RAB3IP: variants seen among roughly 807,000 people sequenced by gnomAD.
The protein encoded by RAB3IP is rab-3A-interacting protein.
RAB3IP carries 36 observed loss-of-function variants against 59.1 expected under a neutral mutation model. That is an observed-to-expected ratio of 0.61 (90% CI 0.47 to 0.80). The LOEUF is 0.80. Among genes scored for constraint, RAB3IP ranks in the 30% least tolerant of loss-of-function variants. The pLI, the probability that RAB3IP is intolerant of heterozygous loss-of-function variation, is 0.00. For synonymous variants in RAB3IP, 207 were observed against 191.2 expected (o/e 1.08, Z -0.68); for missense variants, 511 against 536.0 (o/e 0.95, Z 0.46).
chr12:69,783,879 T>C (rs116774527), intron 3 of RAB3IP, among the ~76,000 whole-genome samples: 244 of 152,330 alleles, frequency 1.6e-3, no homozygotes, highest in African/African-American at 5.0e-3. Context: ...CTTAGTTTCA[T>C]TGAGATCTTC....
Position 69,820,492 on chromosome 12 carries a change from G to A in RAB3IP, c.*5046G>A, listed in dbSNP as rs565975802. 7.1e-6 allele frequency: 1 copy of A among 140,082 alleles called. No homozygotes were observed. The highest frequency in any genetic ancestry group is 2.7e-5 in the African/African-American group (1 of 36,944). The allele number at this position is 140,082 out of a possible 1,614,324, so 8.7% of individuals were successfully genotyped here. ...GCAGCCGCAGGGATCTTTATAAAAC[G>A]AAAATCAGATAATGTCACTTCCCTG... On this transcript the variant is annotated 3_prime_UTR_variant, in exon 11 of 11. Coordinates refer to ENST00000247833, the MANE Select transcript of RAB3IP (RefSeq NM_022456.5).
chr12:69,810,032 T>C (rs1217125094), intron 8 of RAB3IP, among the ~76,000 whole-genome samples: 1 of 152,212 alleles, frequency 6.6e-6, no homozygotes, highest in Non-Finnish European at 1.5e-5. Context: ...TGTGGTTTTA[T>C]CTACCTTTGT....
At chr12:69,747,293 CGTGTGTGTGT>C (rs111438084) in intron 1 of RAB3IP, among the ~76,000 whole-genome samples, 26 of 137,792 alleles carry the variant, frequency 1.9e-4, no homozygotes, top group East Asian at 1.1e-3. Flanking sequence ...CTTGCCCTTT[CGTGTGTGTGT>C]GTGTGTGTGT....
At chr12:69,751,957 C>CTCT (rs1402370990) in intron 1 of RAB3IP, among the ~76,000 whole-genome samples, 1 of 148,424 alleles carries the variant, frequency 6.7e-6, no homozygotes, top group Non-Finnish European at 1.5e-5. Flanking sequence ...ACTCTGTCAT[C>CTCT]TCTCCTTCTA....
At chr12:69,792,758 G>A (rs1311173806) in intron 4 of RAB3IP, among the ~76,000 whole-genome samples, 1 of 152,112 alleles carries the variant, frequency 6.6e-6, no homozygotes, top group Non-Finnish European at 1.5e-5. Context: ...TATGTCTGTA[G>A]TGGAAAAGTC....
At chr12:69,799,688 A>G (rs545083291) in intron 6 of RAB3IP, among the ~76,000 whole-genome samples, 60 of 152,318 alleles carry the variant, frequency 3.9e-4, no homozygotes, top group Non-Finnish European at 7.2e-4. Flanking sequence ...AAGTTATAGT[A>G]GAACAATTAG....
chr12:69,755,641 CG>C lies in RAB3IP; in HGVS notation c.235del (p.Glu79LysfsTer24). 6.2e-7 allele frequency: 1 copy of C among 1,611,826 alleles called. No homozygotes were observed. Among genetic ancestry groups the C allele is most frequent in the Non-Finnish European group, 8.5e-7 (1 of 1,178,592 alleles). On this transcript the variant is annotated frameshift_variant, in exon 2 of 11. Transcript: ENST00000247833. LOFTEE classifies it high-confidence loss of function. ...VYSSPRRLNC[A>X]EISSISFHVT... ...TCATCCCCCAGACGTTTAAATTGTG[CG>C]GAAATATCTAGTATCAGGTAGGAAA...
intron 1 of RAB3IP, among the ~76,000 whole-genome samples, chr12:69,744,872 G>A (rs1451379208): frequency 1.3e-5 from 2 of 151,740 alleles, no homozygotes; most frequent in Non-Finnish European, 2.9e-5. Flanking sequence ...GATTTTTTTT[G>A]TCATAACTAA....
chr12:69,803,493 A>AT (rs1325027761), intron 8 of RAB3IP, among the ~76,000 whole-genome samples: 1 of 151,260 alleles, frequency 6.6e-6, no homozygotes, highest in Non-Finnish European at 1.5e-5. Flanking sequence ...TTTTTTTTTA[A>AT]TTTTTTTATT....
At chr12:69,756,351 G>A in intron 2 of RAB3IP, 54 bp from the exon 3 acceptor site, 1 of 1,582,194 alleles carries the variant, frequency 6.3e-7, no homozygotes, top group East Asian at 2.2e-5. Flanking sequence ...GTTTAAGCCA[G>A]TTCTATTGGA....
chr12:69,803,021 T>G (rs1950350965), intron 8 of RAB3IP, among the ~76,000 whole-genome samples: 1 of 152,204 alleles, frequency 6.6e-6, no homozygotes, highest in Non-Finnish European at 1.5e-5. Flanking sequence ...TCATAGCAGT[T>G]TTCTTATTTT....
At position 69,815,448 on chromosome 12, in the gene RAB3IP, G is replaced by T. The variant is rs1460911616; in HGVS notation, c.*2G>T. 1 of 1,601,914 alleles carries T rather than the reference G, an allele frequency of 6.2e-7. No individual in the cohort carries two copies. The highest frequency in any genetic ancestry group is 1.7e-5 in the Admixed American group (1 of 59,974). ...GGTTATTTCAAAGAGGAACTCTGAT[G>T]CTCTGCGTGGGACCATGCCTGAACT... On this transcript the variant is annotated 3_prime_UTR_variant, in exon 11 of 11. Coordinates refer to ENST00000247833, the MANE Select transcript of RAB3IP (RefSeq NM_022456.5).
At chr12:69,764,574 A>C (rs551264193) in intron 3 of RAB3IP, among the ~76,000 whole-genome samples, 4 of 152,256 alleles carry the variant, frequency 2.6e-5, no homozygotes, top group Non-Finnish European at 2.9e-5. Context: ...AAGTCAAGTA[A>C]TATGGTACCT....
chr12:69,809,466 G>A (rs1027437586), intron 8 of RAB3IP, among the ~76,000 whole-genome samples: 1 of 152,202 alleles, frequency 6.6e-6, no homozygotes, highest in African/African-American at 2.4e-5. Context: ...GATTGGGGAA[G>A]TTCTCCTGGA....
In RAB3IP at chr12:69,781,873, A is replaced by G. The variant is rs1387635548; in HGVS notation, c.511-2847A>G. Among the ~76,000 whole-genome samples the G allele has an allele frequency of 2.0e-5, 3 of 152,320 alleles. No homozygotes were observed. The East Asian group carries it at 5.8e-4, about 29-fold the overall frequency. On this transcript the variant is annotated intron_variant, in intron 3 of 10. Transcript: ENST00000247833. ...TTTTGTGTGGACATGTGTTTGACTAATTTAGGCAAATACCAACAAGTGTGA... is the reference window on the plus strand; with the variant it reads ...TTTTGTGTGGACATGTGTTTGACTAGTTTAGGCAAATACCAACAAGTGTGA...
intron 1 of RAB3IP, among the ~76,000 whole-genome samples, chr12:69,752,181 T>C (rs1592450633): frequency 6.6e-6 from 1 of 151,712 alleles, no homozygotes; most frequent in Non-Finnish European, 1.5e-5. Flanking sequence ...TTTTACAACT[T>C]TTTGTAGAGA....
intron 3 of RAB3IP, among the ~76,000 whole-genome samples, chr12:69,762,641 C>T (rs1447020659): frequency 6.6e-6 from 1 of 151,002 alleles, no homozygotes; most frequent in Non-Finnish European, 1.5e-5. Flanking sequence ...CCTGTAGTCC[C>T]AGCTGCTTGG....
At chr12:69,805,171 T>C (rs1459162531) in intron 8 of RAB3IP, among the ~76,000 whole-genome samples, 1 of 152,242 alleles carries the variant, frequency 6.6e-6, no homozygotes, top group African/African-American at 2.4e-5. Context: ...TTTTATTTCA[T>C]TGAGCAGTGG....
chr12:69,754,380 G>A (rs997418219), intron 1 of RAB3IP, among the ~76,000 whole-genome samples: 10 of 150,070 alleles, frequency 6.7e-5, no homozygotes, highest in African/African-American at 2.5e-4. Context: ...CTGTGTATAT[G>A]TATACATTGA....
Sources: allele counts gnomAD v4.1 joint callset (sites outside exome capture counted in the v4.1 genomes callset), GRCh38; gene constraint gnomAD v4.1.1; transcripts MANE v1.5; gene names NCBI Gene and HGNC (gene_info 2026-07-23, HGNC 2026-07-21).